The following CCDC13 variants were observed in gnomAD, a reference collection of about 807,000 sequenced individuals.
CCDC13 encodes the protein coiled-coil domain-containing protein 13.
Under a neutral mutation model 87.3 loss-of-function variants are expected in CCDC13, and 70 were observed. The ratio of observed to expected loss-of-function variants is 0.80; its 90% CI spans 0.66 to 0.98. CCDC13 has a LOEUF of 0.98. CCDC13 is among the 50% of genes least tolerant of loss of function. The pLI, the probability that CCDC13 is intolerant of heterozygous loss-of-function variation, is 0.00. For synonymous variants in CCDC13, 317 were observed against 360.3 expected (o/e 0.88, Z 1.36); for missense variants, 842 against 892.0 (o/e 0.94, Z 0.71).
rs1170308807 is a variant in CCDC13 at position 42,707,787 on chromosome 3, T to C, written c.*1193A>G. Among the ~76,000 whole-genome samples, 3 of 152,332 alleles carry C rather than the reference T, an allele frequency of 2.0e-5. No individual in the cohort carries two copies. The highest frequency in any genetic ancestry group is 4.1e-4 in the South Asian group (2 of 4,834). The stretch of plus-strand genomic sequence containing the variant: ...GCACGTACAGTTGCATGCTCCTGAA[T>C]TGAGGTATGTGTGTGCATCTGCATC... On this transcript the variant is annotated 3_prime_UTR_variant, in exon 16 of 16. Coordinates refer to ENST00000310232, the MANE Select transcript of CCDC13 (RefSeq NM_144719.4).
intron 12 of CCDC13, among the ~76,000 whole-genome samples, chr3:42,731,043 G>A (rs1162072101): frequency 2.0e-5 from 3 of 152,114 alleles, no homozygotes; most frequent in African/African-American, 7.2e-5. Context: ...CTTTCCTGGA[G>A]CCTGTGCATT....
At chr3:42,761,910 G>C (rs1016458724) in intron 1 of CCDC13, among the ~76,000 whole-genome samples, 2 of 152,172 alleles carry the variant, frequency 1.3e-5, no homozygotes, top group African/African-American at 4.8e-5. Context: ...GACCCGCCAG[G>C]AGGAATACTC....
intron 7 of CCDC13, chr3:42,745,697 C>A: frequency 2.6e-6 from 1 of 382,110 alleles, no homozygotes; most frequent in South Asian, 9.3e-5. Context: ...AGCTCCAGTG[C>A]CTGGCATGTG....
chr3:42,755,879 C>A (rs566658067), intron 3 of CCDC13, among the ~76,000 whole-genome samples: 1 of 152,204 alleles, frequency 6.6e-6, no homozygotes, highest in South Asian at 2.1e-4. Flanking sequence ...CCTGCTCCCC[C>A]TGGAGCCCAT....
rs1396441515 is a variant in CCDC13 at position 42,739,711 on chromosome 3, T to C, written c.1087A>G (p.Met363Val). ...RSRNKLLSSEMKTLKSQMGTL... is the reference protein window; with the variant it reads ...RSRNKLLSSEVKTLKSQMGTL... ...CCCATCTGACTCTTGAGGGTCTTCATCTCACTTGACAGCAGCTTGTTCCGA... is the reference window on the plus strand; with the variant it reads ...CCCATCTGACTCTTGAGGGTCTTCACCTCACTTGACAGCAGCTTGTTCCGA... The change falls in exon 9 of 16, where the codon ATG becomes GTG. Residue 363 changes from methionine to valine, a missense_variant. Coordinates refer to ENST00000310232, the MANE Select transcript of CCDC13 (RefSeq NM_144719.4). 2 of 1,614,100 alleles carry C rather than the reference T, an allele frequency of 1.2e-6. No homozygotes were observed. Among genetic ancestry groups the C allele is most frequent in the African/African-American group, 2.7e-5 (2 of 74,948 alleles).
chr3:42,733,543 A>G lies in CCDC13; in HGVS notation c.1438T>C (p.Phe480Leu), dbSNP rs1487042258. 1.2e-6 allele frequency: 2 copies of G among 1,614,082 alleles called. No homozygotes were observed. The highest frequency in any genetic ancestry group is 1.7e-6 in the Non-Finnish European group (2 of 1,180,014). Reference sequence around the variant, plus strand: ...TTGGTCAGGCCTGGGTCCTCCAGGAACTGGGTATAGGCAGGGCTGACCTCG... The same window carrying G: ...TTGGTCAGGCCTGGGTCCTCCAGGAGCTGGGTATAGGCAGGGCTGACCTCG... ...GREVSPAYTQ[F>L]LEDPGLTKSP... The change falls in exon 11 of 16, where the codon TTC becomes CTC. Residue 480 changes from phenylalanine (F) to leucine (L), a missense_variant. Transcript: ENST00000310232.
At chr3:42,742,282 T>C (rs114850755) in intron 8 of CCDC13, among the ~76,000 whole-genome samples, 2,740 of 152,234 alleles carry the variant, frequency 0.018, 90 homozygotes, top group African/African-American at 0.062. Flanking sequence ...AGAAACCCTT[T>C]GTCTGTAGAG....
At chr3:42,758,061 G>GTACACA (rs1699742506) in intron 2 of CCDC13, 64 bp downstream of exon 2, 5 of 766,526 alleles carry the variant, frequency 6.5e-6, no homozygotes. Flanking sequence ...AGCTCCGGTG[G>GTACACA]TACACACACA....
chr3:42,758,682 A>C (rs1699764749), intron 1 of CCDC13, among the ~76,000 whole-genome samples: 1 of 152,224 alleles, frequency 6.6e-6, no homozygotes, highest in Admixed American at 6.5e-5. Flanking sequence ...GGAACTCCTA[A>C]ATAACAATGC....
chr3:42,711,636 TC>T (rs1698316226), intron 14 of CCDC13, among the ~76,000 whole-genome samples: 1 of 152,148 alleles, frequency 6.6e-6, no homozygotes, highest in Non-Finnish European at 1.5e-5. Context: ...GCAGGCCACA[TC>T]CCCTCCCAGT....
At chr3:42,744,338 C>T (rs558076491) in intron 7 of CCDC13, among the ~76,000 whole-genome samples, 1 of 152,158 alleles carries the variant, frequency 6.6e-6, no homozygotes, top group Non-Finnish European at 1.5e-5. Flanking sequence ...TCCCTATCAA[C>T]ACAACCAAAT....
In CCDC13 at chr3:42,730,452, G is replaced by C. The variant is rs760333077; in HGVS notation, c.1718+15C>G. 5.0e-6 allele frequency: 8 copies of C among 1,610,476 alleles called. No homozygotes were observed. In the African/African-American group the frequency reaches 1.1e-4, roughly 22 times the overall value. ...TGCAGGCCTATGGGAGAGATCCCTG[G>C]GTGCCATGTGTTACCGTTTCTGCAG... On this transcript the variant is annotated intron_variant, in intron 13 of 15. Transcript: ENST00000310232.
At chr3:42,715,387 T>G (rs1316531984) in intron 13 of CCDC13, among the ~76,000 whole-genome samples, 1 of 151,512 alleles carries the variant, frequency 6.6e-6, no homozygotes, top group Non-Finnish European at 1.5e-5. Context: ...GGTGGGTGGA[T>G]CACTTGAGTC....
In CCDC13 at chr3:42,758,163, G is replaced by T. The variant is rs753389713; in HGVS notation, c.183C>A (p.His61Gln). 6.2e-7 allele frequency: 1 copy of T among 1,614,040 alleles called. No individual in the cohort carries two copies. The highest frequency in any genetic ancestry group is 8.5e-7 in the Non-Finnish European group (1 of 1,180,028). The change falls in exon 2 of 16, where the codon CAC becomes CAA. Residue 61 changes from histidine to glutamine, a missense_variant. Transcript: ENST00000310232. ...LEVSDGLSLL[H>Q]AGEPNSKNSF... Reference sequence around the variant, plus strand: ...TATTTTTCGAGTTTGGCTCCCCTGCGTGGAGAAGGCTGAGGCCATCTGAAA... The same window carrying T: ...TATTTTTCGAGTTTGGCTCCCCTGCTTGGAGAAGGCTGAGGCCATCTGAAA...
At chr3:42,731,475 G>A (rs1698829553) in intron 12 of CCDC13, among the ~76,000 whole-genome samples, 1 of 152,046 alleles carries the variant, frequency 6.6e-6, no homozygotes, top group Non-Finnish European at 1.5e-5. Flanking sequence ...GCTACTACAA[G>A]TGGTCTCTGA....
At chr3:42,724,501 T>C (rs974981696) in intron 13 of CCDC13, among the ~76,000 whole-genome samples, 2 of 152,212 alleles carry the variant, frequency 1.3e-5, no homozygotes, top group African/African-American at 4.8e-5. Flanking sequence ...CACACTTTGG[T>C]ATTCTGATTA....
chr3:42,749,937 G>A, intron 5 of CCDC13: 1 of 456,624 alleles, frequency 2.2e-6, no homozygotes, highest in South Asian at 1.5e-5. Context: ...GTGTGGCTCG[G>A]GCTTGGGCCG....
intron 3 of CCDC13, among the ~76,000 whole-genome samples, chr3:42,755,556 A>C (rs1380226597): frequency 1.3e-5 from 2 of 152,354 alleles, no homozygotes; most frequent in South Asian, 4.1e-4. Flanking sequence ...GTGGTGAGCC[A>C]AGATCGTGCC....
chr3:42,739,682 G>T lies in CCDC13; in HGVS notation c.1116C>A (p.Thr372=). ...EMKTLKSQMG[T]LVEKGRHDDE... ...CATCATGCCGGCCCTTCTCCACCAG[G>T]GTTCCCATCTGACTCTTGAGGGTCT... is the stretch of plus-strand genomic sequence containing the variant. Residue 372 remains threonine (T), a synonymous_variant, in exon 9 of 16, where the codon ACC becomes ACA. Coordinates refer to ENST00000310232, the MANE Select transcript of CCDC13 (RefSeq NM_144719.4). 6.2e-7 allele frequency: 1 copy of T among 1,614,146 alleles called. No homozygotes were observed. Among genetic ancestry groups the T allele is most frequent in the Non-Finnish European group, 8.5e-7 (1 of 1,180,012 alleles).
Sources: allele counts gnomAD v4.1 joint callset (sites outside exome capture counted in the v4.1 genomes callset), GRCh38; gene constraint gnomAD v4.1.1; transcripts MANE v1.5; gene names NCBI Gene and HGNC (gene_info 2026-07-23, HGNC 2026-07-21).